Variants in RBFOX3 observed in about 807,000 individuals in gnomAD.
RBFOX3 encodes RNA binding protein fox-1 homolog 3.
RBFOX3 carries 17 observed loss-of-function variants against 48.7 expected under a neutral mutation model. The ratio of observed to expected loss-of-function variants is 0.35; its 90% confidence interval spans 0.24 to 0.52. The LOEUF (loss-of-function observed/expected upper bound fraction) is 0.52. Ranked by LOEUF, RBFOX3 falls within the 20% of genes least tolerant of loss-of-function variation. The probability of loss-of-function intolerance (pLI) is 0.94; values close to 1 mark genes in which losing one functional copy is unlikely to be tolerated. For missense variants in RBFOX3, 382 were observed against 497.5 expected, an observed-to-expected ratio of 0.77 and a Z score of 2.21; for synonymous variants, 212 against 209.5, an observed-to-expected ratio of 1.01 and a Z score of -0.10.
chr17:79,290,005 C>T (rs1567984243), intron 3 of RBFOX3, among the ~76,000 whole-genome samples: 1 of 152,142 alleles, frequency 6.6e-6, no homozygotes, highest in South Asian at 2.1e-4. Flanking sequence ...GGTGAGTTCC[C>T]AGAGGGTTCA....
At chr17:79,425,046 C>G (rs2067114340) in intron 2 of RBFOX3, among the ~76,000 whole-genome samples, 1 of 152,178 alleles carries the variant, frequency 6.6e-6, no homozygotes, top group Non-Finnish European at 1.5e-5. Flanking sequence ...CCACAAGCCT[C>G]CTGGTTTTAG....
At chr17:79,346,007 A>G (rs2082863111) in intron 2 of RBFOX3, among the ~76,000 whole-genome samples, 1 of 151,660 alleles carries the variant, frequency 6.6e-6, no homozygotes, top group Non-Finnish European at 1.5e-5. Context: ...TGCAATCTGC[A>G]CCTCCCGGGT....
chr17:79,620,119 A>ACATG, the RBFOX3 span, among the ~76,000 whole-genome samples: 1 of 134,050 alleles, frequency 7.5e-6, no homozygotes, highest in African/African-American at 3.7e-5. Context: ...ACGCATATGC[A>ACATG]CACATACACA....
In RBFOX3 at chr17:79,089,513, G is replaced by C. The variant is rs375950481; in HGVS notation, c.*1370C>G. 1 of 152,724 alleles carries C rather than the reference G, an allele frequency of 6.5e-6. No individual in the cohort carries two copies. The highest frequency in any genetic ancestry group is 1.5e-5 in the Non-Finnish European group (1 of 68,144). The allele number at this position is 152,724 out of a possible 1,614,324, so 9.5% of individuals were successfully genotyped here. ...TTGAGCTGCTGCAAGAAAAGGGTCC[G>C]GAACAGCAGAGGGGACAGGGGGCTC... On this transcript the variant is annotated 3_prime_UTR_variant, in exon 15 of 15. Transcript: ENST00000693108.
At chr17:79,463,207 T>TGCCACC (rs2075695526) in intron 2 of RBFOX3, among the ~76,000 whole-genome samples, 1 of 66,164 alleles carries the variant, frequency 1.5e-5, no homozygotes, top group African/African-American at 5.6e-5. Flanking sequence ...CCATCGCCAC[T>TGCCACC]GCCACCTCCA....
At chr17:79,475,964 G>A (rs938860910) in intron 2 of RBFOX3, among the ~76,000 whole-genome samples, 15 of 152,212 alleles carry the variant, frequency 9.9e-5, no homozygotes, top group Non-Finnish European at 1.5e-4. Context: ...CACCCAGTCT[G>A]TGGCATTCTG....
intron 4 of RBFOX3, among the ~76,000 whole-genome samples, chr17:79,196,233 A>ACC (rs2055561900): frequency 6.6e-6 from 1 of 152,144 alleles, no homozygotes; most frequent in Admixed American, 6.6e-5. Context: ...AGAAGACTGT[A>ACC]GTCCCGCATC....
chr17:79,369,254 C>T (rs761502562), intron 2 of RBFOX3, among the ~76,000 whole-genome samples: 4 of 152,156 alleles, frequency 2.6e-5, no homozygotes, highest in Admixed American at 6.5e-5. Flanking sequence ...ATCTTCCCAC[C>T]TCCCCAGGCA....
At chr17:79,460,245 G>A (rs12373132) in intron 2 of RBFOX3, among the ~76,000 whole-genome samples, 1 of 152,052 alleles carries the variant, frequency 6.6e-6, no homozygotes, top group Non-Finnish European at 1.5e-5. Context: ...TCAATTAATA[G>A]TTCATGTTAT....
chr17:79,502,114 T>A (rs1371062543), intron 1 of RBFOX3, among the ~76,000 whole-genome samples: 3 of 152,152 alleles, frequency 2.0e-5, no homozygotes, highest in Non-Finnish European at 2.9e-5. Context: ...AATGTGCTCA[T>A]CTGAAAAATG....
At chr17:79,616,229 C>A in the RBFOX3 span, among the ~76,000 whole-genome samples, 1 of 152,088 alleles carries the variant, frequency 6.6e-6, no homozygotes, top group African/African-American at 2.4e-5. Flanking sequence ...GTAGTCGTAA[C>A]CTCCTTGTTA....
intron 3 of RBFOX3, among the ~76,000 whole-genome samples, chr17:79,278,261 G>A (rs2069390647): frequency 6.6e-6 from 1 of 152,218 alleles, no homozygotes; most frequent in Admixed American, 6.5e-5. Flanking sequence ...CAGGCTGCCT[G>A]CAGTAACAGC....
intron 3 of RBFOX3, among the ~76,000 whole-genome samples, chr17:79,257,585 T>C (rs934942117): frequency 2.0e-5 from 3 of 152,170 alleles, no homozygotes; most frequent in African/African-American, 7.2e-5. Flanking sequence ...TCTTTGCTTT[T>C]TTTTTCCCCC....
At chr17:79,368,260 G>A (rs1292237480) in intron 2 of RBFOX3, among the ~76,000 whole-genome samples, 1 of 151,110 alleles carries the variant, frequency 6.6e-6, no homozygotes, top group African/African-American at 2.4e-5. Flanking sequence ...AAAGGGAGCT[G>A]CAAAGATGAG....
At chr17:79,515,882 A>T (rs1258052710) in intron 1 of RBFOX3, 2 of 152,316 alleles carry the variant, frequency 1.3e-5, no homozygotes, top group African/African-American at 4.8e-5. Flanking sequence ...TGGATTGGCT[A>T]CAGGCCTTCT....
the RBFOX3 span, among the ~76,000 whole-genome samples, chr17:79,620,583 ACG>A: frequency 0.087 from 8,178 of 93,874 alleles, 657 homozygotes; most frequent in African/African-American, 0.23. Context: ...GCACACACGC[ACG>A]CACACACACG....
intron 4 of RBFOX3, among the ~76,000 whole-genome samples, chr17:79,233,368 G>A (rs1467753993): frequency 6.6e-6 from 1 of 152,162 alleles, no homozygotes; most frequent in East Asian, 1.9e-4. Flanking sequence ...TGGGGTGTGA[G>A]GAAGAGATTA....
intron 3 of RBFOX3, among the ~76,000 whole-genome samples, chr17:79,291,394 C>T (rs1028830374): frequency 1.3e-5 from 2 of 152,202 alleles, no homozygotes; most frequent in African/African-American, 4.8e-5. Context: ...TGCTATGAGG[C>T]TGTGTTCAGT....
intron 3 of RBFOX3, among the ~76,000 whole-genome samples, chr17:79,255,454 G>C (rs1172259784): frequency 6.6e-6 from 1 of 152,096 alleles, no homozygotes; most frequent in Admixed American, 6.5e-5. Context: ...CCACCCCAGA[G>C]CCCTGGCCCC....
Sources: allele counts gnomAD v4.1 joint callset (sites outside exome capture counted in the v4.1 genomes callset), GRCh38; gene constraint gnomAD v4.1.1; transcripts MANE v1.5; gene names NCBI Gene and HGNC (gene_info 2026-07-23, HGNC 2026-07-21).